Variants in PPP1R9A observed in about 807,000 individuals in gnomAD.
PPP1R9A encodes the protein protein phosphatase 1 regulatory subunit 9A, also known as neurabin-1.
PPP1R9A carries 59 observed loss-of-function variants against 141.9 expected under a neutral mutation model. That is an observed-to-expected ratio of 0.42 (90% CI 0.34 to 0.52). The LOEUF is 0.52. PPP1R9A is among the 20% of genes least tolerant of loss of function. PPP1R9A has a pLI of 0.10. For synonymous variants in PPP1R9A, 500 were observed against 569.7 expected (o/e 0.88, Z 1.74); for missense variants, 1,444 against 1,611.9 (o/e 0.90, Z 1.78).
At chr7:95,150,550 G>A (rs548186062) in intron 4 of PPP1R9A, among the ~76,000 whole-genome samples, 6 of 152,164 alleles carry the variant, frequency 3.9e-5, no homozygotes, top group African/African-American at 1.4e-4. Context: ...TTATCTGCCC[G>A]TCTGAGCCCC....
chr7:95,249,446 T>C (rs919862708), intron 9 of PPP1R9A, among the ~76,000 whole-genome samples: 2 of 152,262 alleles, frequency 1.3e-5, no homozygotes. Flanking sequence ...TGATGTGTTA[T>C]ATCACAATTC....
At chr7:95,054,376 T>TGGCCTCCCAGCAC (rs1352243532) in intron 2 of PPP1R9A, among the ~76,000 whole-genome samples, 2 of 152,044 alleles carry the variant, frequency 1.3e-5, no homozygotes. Context: ...CCATCTGCCT[T>TGGCCTCCCAGCAC]GGCCTCCCAA....
In PPP1R9A at chr7:95,206,148, A is replaced by G. The variant is rs528439937; in HGVS notation, c.1956+2418A>G. Among the ~76,000 whole-genome samples, 118 of 152,282 alleles carry G rather than the reference A, an allele frequency of 7.7e-4. 1 individual carries two copies. Among genetic ancestry groups the G allele is most frequent in the African/African-American group, 2.7e-3 (113 of 41,556 alleles). On this transcript the variant is annotated intron_variant, in intron 7 of 19. Transcript: ENST00000433360. Reference sequence around the variant, plus strand: ...CATATATGTCCTTATCTCCTTCCCAATGTATTCACTTAGAAATAGCCTTAA... The same window carrying G: ...CATATATGTCCTTATCTCCTTCCCAGTGTATTCACTTAGAAATAGCCTTAA...
At chr7:95,288,812 A>G (rs1805830423) in intron 19 of PPP1R9A, 94 bp downstream of exon 19, 1 of 1,385,744 alleles carries the variant, frequency 7.2e-7, no homozygotes, top group Non-Finnish European at 9.8e-7. Flanking sequence ...CATTCTGCAT[A>G]TCTGAGAGGT....
At position 95,267,280 on chromosome 7, in the gene PPP1R9A, A is replaced by G. The variant is rs1029098006; in HGVS notation, c.2666-1270A>G. Among the ~76,000 whole-genome samples the G allele has an allele frequency of 1.3e-4, 20 of 152,148 alleles. 1 individual carries two copies. Among genetic ancestry groups the G allele is most frequent in the African/African-American group, 4.6e-4 (19 of 41,460 alleles). ...AATTGCCTGAGCTAATAATATTATA[A>G]GAAATTGTTTATTCTGTTAATACAA... On this transcript the variant is annotated intron_variant, in intron 12 of 19. Transcript: ENST00000433360.
chr7:95,270,115 A>G (rs150588403), intron 14 of PPP1R9A, among the ~76,000 whole-genome samples: 451 of 152,292 alleles, frequency 3.0e-3, no homozygotes, highest in Middle Eastern at 6.8e-3. Flanking sequence ...TTCATGCTAC[A>G]GTAGCAGTGT....
intron 2 of PPP1R9A, among the ~76,000 whole-genome samples, chr7:95,102,656 G>C (rs1818941728): frequency 6.6e-6 from 1 of 152,144 alleles, no homozygotes; most frequent in South Asian, 2.1e-4. Flanking sequence ...TCTAAGCTAG[G>C]AGTTTAAGTA....
intron 4 of PPP1R9A, among the ~76,000 whole-genome samples, chr7:95,125,779 T>C (rs73429089): frequency 0.077 from 11,728 of 152,222 alleles, 1,220 homozygotes; most frequent in African/African-American, 0.23. Context: ...GAAATTAAGG[T>C]TCTATGTAGT....
intron 12 of PPP1R9A, among the ~76,000 whole-genome samples, chr7:95,259,858 AAATT>A (rs1800159070): frequency 6.6e-6 from 1 of 152,126 alleles, no homozygotes; most frequent in Non-Finnish European, 1.5e-5. Context: ...GTTTAGTTCT[AAATT>A]GGAGCCTAGG....
intron 2 of PPP1R9A, among the ~76,000 whole-genome samples, chr7:95,002,678 C>T (rs1182327885): frequency 6.6e-6 from 1 of 152,084 alleles, no homozygotes; most frequent in Non-Finnish European, 1.5e-5. Context: ...ACTATCATCT[C>T]CTAGGCAAAA....
intron 16 of PPP1R9A, among the ~76,000 whole-genome samples, chr7:95,274,780 G>A (rs184274504): frequency 1.0e-3 from 153 of 152,248 alleles, no homozygotes; most frequent in Middle Eastern, 6.8e-3. Flanking sequence ...ATTTGTATAG[G>A]GAGTCAGTAA....
chr7:95,083,689 G>A (rs1348052962), intron 2 of PPP1R9A, among the ~76,000 whole-genome samples: 1 of 151,950 alleles, frequency 6.6e-6, no homozygotes, highest in East Asian at 1.9e-4. Context: ...ATAGACTTTA[G>A]TGTAGAAGTC....
intron 2 of PPP1R9A, among the ~76,000 whole-genome samples, chr7:94,928,701 T>A (rs1015758246): frequency 6.6e-6 from 1 of 152,204 alleles, no homozygotes; most frequent in Non-Finnish European, 1.5e-5. Context: ...TTCAGTACTA[T>A]GTAAATTGAT....
intron 2 of PPP1R9A, among the ~76,000 whole-genome samples, chr7:95,064,687 T>C (rs1347540440): frequency 6.6e-6 from 1 of 152,214 alleles, no homozygotes; most frequent in Non-Finnish European, 1.5e-5. Context: ...AAATAAGTTT[T>C]AGCAAGTGGG....
chr7:95,176,640 G>T (rs1221491290), intron 5 of PPP1R9A: 1 of 151,586 alleles, frequency 6.6e-6, no homozygotes, highest in African/African-American at 2.4e-5. Flanking sequence ...AGTGAAGGGA[G>T]AAACATTCAA....
chr7:95,285,926 G>A (rs1805228622), intron 17 of PPP1R9A, among the ~76,000 whole-genome samples: 1 of 152,094 alleles, frequency 6.6e-6, no homozygotes, highest in Non-Finnish European at 1.5e-5. Context: ...ATTCCTCTGA[G>A]CAGTTGCAGA....
chr7:95,190,080 T>A (rs1432417605), intron 5 of PPP1R9A, among the ~76,000 whole-genome samples: 1 of 151,932 alleles, frequency 6.6e-6, no homozygotes, highest in Non-Finnish European at 1.5e-5. Context: ...TTGGATCCCT[T>A]GCGCATGTTA....
intron 2 of PPP1R9A, among the ~76,000 whole-genome samples, chr7:94,992,744 C>A (rs1255946554): frequency 6.6e-6 from 1 of 151,878 alleles, no homozygotes; most frequent in Non-Finnish European, 1.5e-5. Context: ...CTTTTTATTG[C>A]CTTTTTTTGC....
At chr7:95,140,959 A>G (rs1292228689) in intron 4 of PPP1R9A, among the ~76,000 whole-genome samples, 2 of 152,138 alleles carry the variant, frequency 1.3e-5, no homozygotes, top group African/African-American at 2.4e-5. Context: ...GGCTTAAGCA[A>G]TCCGCCTGCC....
Sources: allele counts gnomAD v4.1 joint callset (sites outside exome capture counted in the v4.1 genomes callset), GRCh38; gene constraint gnomAD v4.1.1; transcripts MANE v1.5; gene names NCBI Gene and HGNC (gene_info 2026-07-23, HGNC 2026-07-21).